FSTL4: variants seen among roughly 807,000 people sequenced by gnomAD.
The protein encoded by FSTL4 is follistatin-related protein 4.
A neutral mutation model predicts 78.2 loss-of-function variants in FSTL4; 28 were observed. The observed-to-expected ratio is 0.36, with a 90% confidence interval of 0.27 to 0.49. The LOEUF (loss-of-function observed/expected upper bound fraction) is 0.49, where lower values mean the gene tolerates loss of function less well. Among genes scored for constraint, FSTL4 ranks in the 20% least tolerant of loss-of-function variants. The pLI, the probability that FSTL4 is intolerant of heterozygous loss-of-function variation, is 0.98. For missense variants in FSTL4, 922 were observed against 1,084.9 expected, an observed-to-expected ratio of 0.85 and a Z score of 2.11; for synonymous variants, 422 against 440.5, an observed-to-expected ratio of 0.96 and a Z score of 0.53.
intron 3 of FSTL4, among the ~76,000 whole-genome samples, chr5:133,405,691 T>C (rs1561705244): frequency 6.6e-6 from 1 of 152,226 alleles, no homozygotes; most frequent in Non-Finnish European, 1.5e-5. Context: ...CCCTCACACG[T>C]GGCAAGGTGG....
intron 3 of FSTL4, among the ~76,000 whole-genome samples, chr5:133,488,766 G>A (rs747076702): frequency 1.3e-5 from 2 of 152,160 alleles, no homozygotes; most frequent in East Asian, 1.9e-4. Context: ...GTGGGTATGG[G>A]GGTGTTGGCT....
the FSTL4 span, among the ~76,000 whole-genome samples, chr5:133,647,884 G>A: frequency 6.6e-6 from 1 of 152,198 alleles, no homozygotes; most frequent in African/African-American, 2.4e-5. Context: ...ATTCCCACGT[G>A]TTGTGGGAGG....
intron 1 of FSTL4, among the ~76,000 whole-genome samples, chr5:133,608,671 G>C (rs893241715): frequency 4.6e-5 from 7 of 152,134 alleles, no homozygotes; most frequent in African/African-American, 1.7e-4. Context: ...AAAACCACAG[G>C]ATTTTCAGGT....
chr5:133,807,397 T>C, the FSTL4 span, among the ~76,000 whole-genome samples: 1 of 152,232 alleles, frequency 6.6e-6, no homozygotes, highest in African/African-American at 2.4e-5. Flanking sequence ...TAAAACATTC[T>C]TTTATGACCA....
intron 3 of FSTL4, among the ~76,000 whole-genome samples, chr5:133,549,138 T>G (rs900868476): frequency 2.0e-5 from 3 of 152,226 alleles, no homozygotes; most frequent in African/African-American, 4.8e-5. Context: ...GATAGCTGTC[T>G]TCCTTTAGTT....
At chr5:133,513,786 G>A (rs1758789991) in intron 3 of FSTL4, among the ~76,000 whole-genome samples, 1 of 152,090 alleles carries the variant, frequency 6.6e-6, no homozygotes, top group Non-Finnish European at 1.5e-5. Flanking sequence ...TGTACATTGC[G>A]ACAAACAGAA....
intron 6 of FSTL4, among the ~76,000 whole-genome samples, chr5:133,307,109 AAAG>A: frequency 6.6e-6 from 1 of 152,208 alleles, no homozygotes; most frequent in Non-Finnish European, 1.5e-5. Flanking sequence ...GGAACTGTCC[AAAG>A]TCACACAGTT....
chr5:133,538,585 C>G (rs960229455), intron 3 of FSTL4, among the ~76,000 whole-genome samples: 2 of 151,802 alleles, frequency 1.3e-5, no homozygotes, highest in African/African-American at 4.8e-5. Flanking sequence ...ATCTTTCCTT[C>G]TATATTTCTT....
At chr5:133,442,170 A>G (rs1043660857) in intron 3 of FSTL4, among the ~76,000 whole-genome samples, 8 of 152,202 alleles carry the variant, frequency 5.3e-5, no homozygotes, top group African/African-American at 1.9e-4. Context: ...TCACCTTCCA[A>G]TGGCTAATTG....
chr5:133,358,108 T>C (rs146132277), intron 4 of FSTL4, among the ~76,000 whole-genome samples: 7 of 152,274 alleles, frequency 4.6e-5, no homozygotes, highest in Non-Finnish European at 1.0e-4. Context: ...CCTGACTCAT[T>C]TCAGCGCAGC....
At chr5:133,829,081 C>A in the FSTL4 span, among the ~76,000 whole-genome samples, 2 of 152,302 alleles carry the variant, frequency 1.3e-5, no homozygotes, top group South Asian at 2.1e-4. Flanking sequence ...AGGGATTGCT[C>A]ATGTTCCTCC....
At chr5:133,522,072 T>C (rs1758992615) in intron 3 of FSTL4, among the ~76,000 whole-genome samples, 1 of 151,916 alleles carries the variant, frequency 6.6e-6, no homozygotes, top group South Asian at 2.1e-4. Context: ...CCCTCAGAGT[T>C]CCCCACAGTG....
chr5:133,668,047 C>A, the FSTL4 span, among the ~76,000 whole-genome samples: 27 of 152,342 alleles, frequency 1.8e-4, no homozygotes, highest in Admixed American at 8.5e-4. Flanking sequence ...GTGGCTGCCC[C>A]AGGAAGCTCT....
At chr5:133,273,182 T>C (rs1056496210) in intron 6 of FSTL4, among the ~76,000 whole-genome samples, 1 of 152,266 alleles carries the variant, frequency 6.6e-6, no homozygotes, top group African/African-American at 2.4e-5. Context: ...ATATCTGATT[T>C]ACATTTCTTG....
chr5:133,593,638 T>C (rs1414835079), intron 2 of FSTL4, among the ~76,000 whole-genome samples: 2 of 152,192 alleles, frequency 1.3e-5, no homozygotes, highest in Non-Finnish European at 2.9e-5. Context: ...GTCTGGACTA[T>C]GAGCACAAGT....
intron 4 of FSTL4, among the ~76,000 whole-genome samples, chr5:133,331,445 C>T (rs79885531): frequency 0.01 from 1,577 of 152,254 alleles, 21 homozygotes; most frequent in African/African-American, 0.035. Context: ...CTGCAGTCTC[C>T]AGGAAGGAAC....
intron 3 of FSTL4, among the ~76,000 whole-genome samples, chr5:133,463,210 G>A (rs953525979): frequency 6.6e-6 from 1 of 152,138 alleles, no homozygotes; most frequent in Non-Finnish European, 1.5e-5. Flanking sequence ...TTTTAGTCAG[G>A]CTTTTTTGAG....
the FSTL4 span, among the ~76,000 whole-genome samples, chr5:133,761,384 C>A: frequency 3.9e-5 from 6 of 152,142 alleles, no homozygotes; most frequent in Non-Finnish European, 8.8e-5. Flanking sequence ...TTTATTCTAA[C>A]ATTCTCGGTA....
chr5:133,536,408 T>C (rs573765346), intron 3 of FSTL4, among the ~76,000 whole-genome samples: 54 of 152,336 alleles, frequency 3.5e-4, no homozygotes, highest in African/African-American at 1.1e-3. Flanking sequence ...AAAATATTTG[T>C]AAAGGTGTAA....
Sources: allele counts gnomAD v4.1 joint callset (sites outside exome capture counted in the v4.1 genomes callset), GRCh38; gene constraint gnomAD v4.1.1; transcripts MANE v1.5; gene names NCBI Gene and HGNC (gene_info 2026-07-23, HGNC 2026-07-21).